Variants in STK3 observed in about 807,000 individuals in gnomAD.
STK3 encodes serine/threonine kinase 3.
A neutral mutation model predicts 58.0 loss-of-function variants in STK3; 41 were observed. That is an observed-to-expected ratio of 0.71 (90% CI 0.55 to 0.92). STK3 has a LOEUF of 0.92. STK3 is among the 40% of genes least tolerant of loss of function. The pLI is 0.00. For missense variants in STK3, 479 were observed against 602.7 expected (o/e 0.79, Z 2.15); for synonymous variants, 170 against 191.0 (o/e 0.89, Z 0.91).
intron 3 of STK3, among the ~76,000 whole-genome samples, chr8:98,847,420 C>T (rs1173207262): frequency 2.0e-5 from 3 of 152,168 alleles, no homozygotes; most frequent in Non-Finnish European, 4.4e-5. Flanking sequence ...AAAGATCTGC[C>T]AGGTCCTGAA....
At chr8:98,851,406 G>A (rs946980657) in intron 3 of STK3, among the ~76,000 whole-genome samples, 1 of 152,180 alleles carries the variant, frequency 6.6e-6, no homozygotes, top group African/African-American at 2.4e-5. Flanking sequence ...AGGTTGCAGA[G>A]TCAGAGGGGC....
intron 7 of STK3, among the ~76,000 whole-genome samples, chr8:98,585,630 A>G (rs2131770327): frequency 6.6e-6 from 1 of 150,722 alleles, no homozygotes; most frequent in East Asian, 1.9e-4. Context: ...CAATTCTGTG[A>G]AGAAAGTCAT....
At position 98,825,640 on chromosome 8, in the gene STK3, G is replaced by C. The variant is rs569499144; in HGVS notation, c.-100C>G. On this transcript the variant is annotated 5_prime_UTR_variant, in exon 1 of 11. Transcript: ENST00000419617. ...GGCCGAGCCTAGGGCACCACAGAGG[G>C]AAACTCTGGGAACTCGGACCAACTT... is the stretch of plus-strand genomic sequence containing the variant. 1 of 1,241,862 alleles carries C rather than the reference G, an allele frequency of 8.1e-7. No individual in the cohort carries two copies. The highest frequency in any genetic ancestry group is 1.6e-5 in the African/African-American group (1 of 62,366). The allele number at this position is 1,241,862 out of a possible 1,614,324, so 76.9% of individuals were successfully genotyped here.
intron 6 of STK3, among the ~76,000 whole-genome samples, chr8:98,683,276 T>C (rs1435314797): frequency 6.6e-6 from 1 of 152,136 alleles, no homozygotes; most frequent in Non-Finnish European, 1.5e-5. Context: ...ATGACAGCTC[T>C]TTCAAGTTGG....
intron 3 of STK3, among the ~76,000 whole-genome samples, chr8:98,755,863 C>T (rs1249761747): frequency 1.3e-5 from 2 of 152,114 alleles, no homozygotes; most frequent in Non-Finnish European, 2.9e-5. Context: ...AGAAGCAGGC[C>T]GGGCACGGTG....
intron 6 of STK3, among the ~76,000 whole-genome samples, chr8:98,665,772 C>G (rs1298440971): frequency 2.0e-5 from 3 of 150,660 alleles, no homozygotes; most frequent in Non-Finnish European, 4.4e-5. Flanking sequence ...AGCGCGATCT[C>G]GGCTCACTGC....
chr8:98,428,507 G>T lies in STK3; in HGVS notation n.483+5620C>A. 1 of 1,614,072 alleles carries T rather than the reference G, an allele frequency of 6.2e-7. No individual in the cohort carries two copies. ...ACTTCCGCAGGCAGCTGTGGCTGGC[G>T]CTGGACAACCCCGGCTACTCAGTGC... is the stretch of plus-strand genomic sequence containing the variant. On this transcript the variant is annotated intron_variant and non_coding_transcript_variant, in intron 3 of 3. Transcript: ENST00000517832. This position sits in a 1 kb window ranked among gnomAD's most constrained non-coding sequence, Gnocchi z 6.7.
intron 10 of STK3, among the ~76,000 whole-genome samples, chr8:98,509,225 T>G (rs559706516): frequency 2.0e-5 from 3 of 152,188 alleles, no homozygotes; most frequent in Admixed American, 2.0e-4. Context: ...TCTTGGGTGG[T>G]TCTTTAAAGT....
intron 3 of STK3, among the ~76,000 whole-genome samples, chr8:98,405,923 A>C (rs536967773): frequency 6.6e-6 from 1 of 152,130 alleles, no homozygotes; most frequent in African/African-American, 2.4e-5. Context: ...ATTACCTCTC[A>C]CTGGGTCCCT....
intron 1 of STK3, among the ~76,000 whole-genome samples, chr8:98,939,819 C>T (rs1212437756): frequency 6.6e-6 from 1 of 152,258 alleles, no homozygotes; most frequent in Non-Finnish European, 1.5e-5. Flanking sequence ...GCACGACAGC[C>T]GGGCCAGTCC....
rs575288127 is a variant in STK3, at chr8:98,663,074, C to T, written c.684+43393G>A. Among the ~76,000 whole-genome samples the T allele has an allele frequency of 2.0e-5, 3 of 152,272 alleles. No homozygotes were observed. The South Asian group carries it at 6.2e-4, about 32-fold the overall frequency. ...AGCTTCTGCACAGCAAAAGAAACTA[C>T]CACCAGAGTGAAGAGGCAACCTACA... On this transcript the variant is annotated intron_variant, in intron 6 of 10. Transcript: ENST00000419617.
intron 1 of STK3, among the ~76,000 whole-genome samples, chr8:98,818,338 T>C (rs1182843336): frequency 6.6e-6 from 1 of 152,156 alleles, no homozygotes; most frequent in Non-Finnish European, 1.5e-5. Flanking sequence ...TGGAAAACAA[T>C]TAATAATTAC....
the STK3 span, among the ~76,000 whole-genome samples, chr8:98,344,571 G>C: frequency 6.6e-6 from 1 of 152,148 alleles, no homozygotes; most frequent in Non-Finnish European, 1.5e-5. Context: ...GCAATACATG[G>C]CTGGAGCACA....
chr8:98,679,884 A>G (rs1823498928), intron 6 of STK3, among the ~76,000 whole-genome samples: 1 of 152,254 alleles, frequency 6.6e-6, no homozygotes, highest in African/African-American at 2.4e-5. Flanking sequence ...ATATTTTCTC[A>G]AGCCTAAAAG....
intron 4 of STK3, among the ~76,000 whole-genome samples, chr8:98,726,938 A>C (rs901899558): frequency 1.3e-5 from 2 of 152,132 alleles, no homozygotes; most frequent in Non-Finnish European, 1.5e-5. Context: ...GCTATTTTAG[A>C]GTTTTTAAAT....
chr8:98,826,906 C>G (rs1035115906), upstream of STK3, among the ~76,000 whole-genome samples: 5 of 138,050 alleles, frequency 3.6e-5, no homozygotes, highest in Non-Finnish European at 7.6e-5. Flanking sequence ...GCCTGTACTC[C>G]CAGCTGCTTG....
Position 98,670,682 on chromosome 8 carries a change from C to T in STK3, c.684+35785G>A, listed in dbSNP as rs192901312. Among the ~76,000 whole-genome samples, 524 of 152,294 alleles carry T rather than the reference C, an allele frequency of 3.4e-3. 2 individuals are homozygous for T. The highest frequency in any genetic ancestry group is 6.0e-3 in the Admixed American group (92 of 15,292). ...ATGCTTTTTAACCAATCAAATGTTG[C>T]CTTTTCCAATACTACCTGTGGCCCA... On this transcript the variant is annotated intron_variant, in intron 6 of 10. Coordinates refer to ENST00000419617, the MANE Select transcript of STK3 (RefSeq NM_006281.4).
chr8:98,776,456 T>C lies in STK3; in HGVS notation c.27-1637A>G, dbSNP rs182298977. 8.6e-3 allele frequency among the ~76,000 whole-genome samples: 1,312 copies of C among 152,274 alleles called. 9 individuals carry two copies. The highest frequency in any genetic ancestry group is 0.03 in the African/African-American group (1,236 of 41,536). On this transcript the variant is annotated intron_variant, in intron 1 of 10. Coordinates refer to ENST00000419617, the MANE Select transcript of STK3 (RefSeq NM_006281.4). ...ATATAATGTTTATTCCATGTACTTT[T>C]CCCCAAATGTGACTTCATTAATTCA...
intron 1 of STK3, among the ~76,000 whole-genome samples, chr8:98,785,291 G>A (rs1048142424): frequency 7.9e-5 from 12 of 152,222 alleles, no homozygotes; most frequent in Middle Eastern, 3.4e-3. Flanking sequence ...GTGGTGGGGT[G>A]GCAGGGGGAC....
Sources: allele counts gnomAD v4.1 joint callset (sites outside exome capture counted in the v4.1 genomes callset), GRCh38; gene constraint gnomAD v4.1.1; non-coding constraint Gnocchi (gnomAD v3.1); transcripts MANE v1.5; gene names NCBI Gene and HGNC (gene_info 2026-07-23, HGNC 2026-07-21).